TRIM8: variants seen among roughly 807,000 people sequenced by gnomAD.
The protein encoded by TRIM8 is E3 ubiquitin-protein ligase TRIM8.
A neutral mutation model predicts 55.7 loss-of-function variants in TRIM8; 9 were observed. The observed-to-expected ratio is 0.16, with a 90% CI of 0.10 to 0.28. The LOEUF (loss-of-function observed/expected upper bound fraction) is 0.28, where lower values mean the gene tolerates loss of function less well. Ranked by LOEUF, TRIM8 falls within the 10% of genes least tolerant of loss-of-function variation. The pLI is 1.00. For missense variants in TRIM8, 556 were observed against 736.4 expected, an observed-to-expected ratio of 0.76 and a Z score of 2.83; for synonymous variants, 335 against 333.3, an observed-to-expected ratio of 1.01 and a Z score of -0.06.
In TRIM8 at chr10:102,644,564, C is replaced by A. The variant is rs2063917583; in HGVS notation, c.-54C>A. On this transcript the variant is annotated 5_prime_UTR_variant, in exon 1 of 6. Transcript: ENST00000643721. ...GGGCCTACAGCGGCTCCGGACGGAC[C>A]CCCGGGGCTGGGGAGTCGGGGAGGC... 1 of 1,563,062 alleles carries A rather than the reference C, an allele frequency of 6.4e-7. No individual in the cohort carries two copies. Among genetic ancestry groups the A allele is most frequent in the African/African-American group, 1.4e-5 (1 of 73,602 alleles).
chr10:102,651,520 C>T (rs573335853), intron 1 of TRIM8, among the ~76,000 whole-genome samples: 3 of 152,352 alleles, frequency 2.0e-5, no homozygotes, highest in African/African-American at 7.2e-5. Context: ...TCTTTCCTAC[C>T]CCTCCCCTGG....
intron 1 of TRIM8, among the ~76,000 whole-genome samples, chr10:102,652,899 G>A (rs753826797): frequency 6.6e-6 from 1 of 151,888 alleles, no homozygotes; most frequent in Non-Finnish European, 1.5e-5. Context: ...CGTCTCCCGG[G>A]TTCAAGTGAT....
At chr10:102,652,746 T>C (rs1186143793) in intron 1 of TRIM8, among the ~76,000 whole-genome samples, 1 of 151,984 alleles carries the variant, frequency 6.6e-6, no homozygotes, top group Non-Finnish European at 1.5e-5. Context: ...CTGAGACTAG[T>C]GATACGTAGG....
At chr10:102,647,834 ACT>A (rs970154381) in intron 1 of TRIM8, among the ~76,000 whole-genome samples, 2 of 151,958 alleles carry the variant, frequency 1.3e-5, no homozygotes. Flanking sequence ...GAAATAGGAA[ACT>A]CTGATTAACC....
rs1439174816 is a variant in TRIM8, at chr10:102,656,874, G to A, written c.1176G>A (p.Ser392=). Reference sequence around the variant, plus strand: ...CAGAGGCCAGTTTCCTAGAGACGTCGTCGGGCCCTGTGGGCGGCCAGTACG... The same window carrying A: ...CAGAGGCCAGTTTCCTAGAGACGTCATCGGGCCCTGTGGGCGGCCAGTACG... ...AFPEASFLET[S]SGPVGGQYGA... Residue 392 remains serine (S), a synonymous_variant, in exon 6 of 6, where the codon TCG becomes TCA. Coordinates refer to ENST00000643721, the MANE Select transcript of TRIM8 (RefSeq NM_030912.3). This position sits in a 1 kb window ranked among gnomAD's most constrained non-coding sequence, Gnocchi z 4.6. 3 of 1,571,726 alleles carry A rather than the reference G, an allele frequency of 1.9e-6. No homozygotes were observed. The highest frequency in any genetic ancestry group is 2.2e-5 in the East Asian group (1 of 44,498).
chr10:102,656,775 G>T lies in TRIM8; in HGVS notation c.1077G>T (p.Leu359=), dbSNP rs768118741. ...EGPFSTPVPF[L]QSVPLYPCGV... ...CCTTCAGCACGCCGGTGCCCTTCCT[G>T]CAGAGTGTCCCCCTGTACCCTTGCG... Residue 359 remains leucine (L), a synonymous_variant, in exon 6 of 6, where the codon CTG becomes CTT. Coordinates refer to ENST00000643721, the MANE Select transcript of TRIM8 (RefSeq NM_030912.3). The surrounding 1 kb of genome is among the most constrained non-coding windows in gnomAD (Gnocchi z 4.6). 7 of 1,513,006 alleles carry T rather than the reference G, an allele frequency of 4.6e-6. No homozygotes were observed. The highest frequency in any genetic ancestry group is 5.3e-6 in the Non-Finnish European group (6 of 1,131,478). The allele number at this position is 1,513,006 out of a possible 1,614,324, so 93.7% of individuals were successfully genotyped here.
chr10:102,656,777 A>G lies in TRIM8; in HGVS notation c.1079A>G (p.Gln360Arg). 6.6e-7 allele frequency: 1 copy of G among 1,513,310 alleles called. No homozygotes were observed. Among genetic ancestry groups the G allele is most frequent in the Non-Finnish European group, 8.8e-7 (1 of 1,131,552 alleles). The allele number at this position is 1,513,310 out of a possible 1,614,324, so 93.7% of individuals were successfully genotyped here. Residue 360 changes from glutamine (Q) to arginine (R), a missense_variant, in exon 6 of 6, where the codon CAG becomes CGG. This residue lies in a region of TRIM8 where 391 missense variants were observed against 441.0 expected (regional missense o/e 0.89). Transcript: ENST00000643721. The surrounding 1 kb of genome is among the most constrained non-coding windows in gnomAD (Gnocchi z 4.6). ...TTCAGCACGCCGGTGCCCTTCCTGC[A>G]GAGTGTCCCCCTGTACCCTTGCGGC... The part of the protein sequence containing the change: ...GPFSTPVPFL[Q>R]SVPLYPCGVS...
In TRIM8 at chr10:102,656,803, G is replaced by T. The variant is rs906018239; in HGVS notation, c.1105G>T (p.Val369Leu). Residue 369 changes from valine to leucine, a missense_variant, in exon 6 of 6, where the codon GTG becomes TTG. Val to Leu is a conservative substitution (Grantham distance 32). Transcript: ENST00000643721. This position sits in a 1 kb window ranked among gnomAD's most constrained non-coding sequence, Gnocchi z 4.6. ...LQSVPLYPCG[V>L]SSSGAEKRKH... is the part of the protein sequence containing the mutation. ...GAGTGTCCCCCTGTACCCTTGCGGC[G>T]TGAGCAGCTCTGGGGCGGAAAAGCG... 3 of 1,521,624 alleles carry T rather than the reference G, an allele frequency of 2.0e-6. No individual in the cohort carries two copies. The African/African-American group carries it at 4.2e-5, about 21-fold the overall frequency. The allele number at this position is 1,521,624 out of a possible 1,614,324, so 94.3% of individuals were successfully genotyped here.
chr10:102,654,478 T>C (rs1384511733), intron 1 of TRIM8, 175 bp from the exon 2 acceptor site: 1 of 637,678 alleles, frequency 1.6e-6, no homozygotes, highest in African/African-American at 1.8e-5. Flanking sequence ...GAAGCTATTC[T>C]GGGGAGAGCT....
intron 1 of TRIM8, chr10:102,653,370 G>T (rs1590108240): frequency 6.6e-6 from 1 of 152,542 alleles, no homozygotes; most frequent in Non-Finnish European, 1.5e-5. Context: ...GAGTTTCCAT[G>T]TGTGGAGGGC....
At position 102,644,542 on chromosome 10, in the gene TRIM8, C is replaced by T. The variant is rs1321084427; in HGVS notation, c.-76C>T. On this transcript the variant is annotated 5_prime_UTR_variant, in exon 1 of 6. Transcript: ENST00000643721. ...GGGCCGGAGCTCGGGGCTCGGTGGG[C>T]CTACAGCGGCTCCGGACGGACCCCC... is the stretch of plus-strand genomic sequence containing the variant. 6 of 1,438,486 alleles carry T rather than the reference C, an allele frequency of 4.2e-6. No homozygotes were observed. The highest frequency in any genetic ancestry group is 5.7e-6 in the Non-Finnish European group (6 of 1,059,008). 89.1% of individuals were successfully genotyped at this position (1,438,486 alleles called of 1,614,324 possible).
chr10:102,645,091 C>G lies in TRIM8; in HGVS notation c.474C>G (p.Ala158=), dbSNP rs532733007. Residue 158 remains alanine (A), a synonymous_variant, in exon 1 of 6, where the codon GCC becomes GCG. Transcript: ENST00000643721. ...HNAYRLYHCE[A]EQVAVCQYCC... ...CCTACCGCCTCTACCACTGCGAGGC[C>G]GAGCAGGTGGCCGTGTGCCAGTACT... 1.9e-6 allele frequency: 3 copies of G among 1,594,906 alleles called. No individual in the cohort carries two copies. The highest frequency in any genetic ancestry group is 1.1e-5 in the South Asian group (1 of 90,554).
At chr10:102,655,423 T>C in intron 3 of TRIM8, 110 bp downstream of exon 3, 1 of 1,038,106 alleles carries the variant, frequency 9.6e-7, no homozygotes. Flanking sequence ...GGAGCCAGCA[T>C]GCATGGGTTC....
At position 102,645,186 on chromosome 10, in the gene TRIM8, G is replaced by T; in HGVS notation, c.569G>T (p.Arg190Leu). The T allele has an allele frequency of 6.5e-7, 1 of 1,538,888 alleles. No homozygotes were observed. The highest frequency in any genetic ancestry group is 1.2e-5 in the South Asian group (1 of 82,704). Reference sequence around the variant, plus strand: ...GTGGAGATCCGAAGGAATGAAATCCGGGCAAGTACCCTACGCGCGCGCGCG... The same window carrying T: ...GTGGAGATCCGAAGGAATGAAATCCTGGCAAGTACCCTACGCGCGCGCGCG... ...CDVEIRRNEI[R>L]KMLMKQQDRL... Residue 190 changes from arginine to leucine, a missense_variant and splice_region_variant, in exon 1 of 6, where the codon CGG becomes CTG. Transcript: ENST00000643721.
At chr10:102,646,094 C>A (rs1282257541) in intron 1 of TRIM8, among the ~76,000 whole-genome samples, 30 of 152,284 alleles carry the variant, frequency 2.0e-4, no homozygotes, top group Non-Finnish European at 1.5e-5. Flanking sequence ...CCTGCGGCCG[C>A]GGCCAATGTC....
intron 2 of TRIM8, 107 bp downstream of exon 2, chr10:102,654,855 C>A: frequency 1.0e-6 from 1 of 978,540 alleles, no homozygotes; most frequent in South Asian, 1.3e-5. Flanking sequence ...CAGAACCACT[C>A]CATCAGTCAT....
intron 1 of TRIM8, chr10:102,645,424 A>C: frequency 1.5e-5 from 7 of 457,622 alleles, no homozygotes; most frequent in East Asian, 3.9e-5. Context: ...TGAGTGCTTT[A>C]TGGGATTGGG....
rs774486793 is a variant in TRIM8 at position 102,644,862 on chromosome 10, A to T, written c.245A>T (p.His82Leu). Residue 82 changes from histidine (H) to leucine (L), a missense_variant, in exon 1 of 6, where the codon CAC becomes CTC. By Grantham distance (99) the His-to-Leu change is moderately conservative. Coordinates refer to ENST00000643721, the MANE Select transcript of TRIM8 (RefSeq NM_030912.3). Reference protein sequence around the residue: ...TNIVEKFNALHVEKPPAALHC... With the variant: ...TNIVEKFNALLVEKPPAALHC... Reference sequence around the variant, plus strand: ...ATCGTGGAGAAGTTCAATGCCCTGCACGTGGAGAAGCCGCCGGCGGCGCTG... The same window carrying T: ...ATCGTGGAGAAGTTCAATGCCCTGCTCGTGGAGAAGCCGCCGGCGGCGCTG... 2 of 1,612,224 alleles carry T rather than the reference A, an allele frequency of 1.2e-6. No homozygotes were observed. Among genetic ancestry groups the T allele is most frequent in the East Asian group, 2.2e-5 (1 of 44,798 alleles).
chr10:102,657,186 A>G lies in TRIM8; in HGVS notation c.1488A>G (p.Thr496=), dbSNP rs1420630779. The G allele has an allele frequency of 6.2e-7, 1 of 1,613,916 alleles. No individual in the cohort carries two copies. The change falls in exon 6 of 6, where the codon ACA becomes ACG. Residue 496 remains threonine, a synonymous_variant. Transcript: ENST00000643721. ...CCCGCTCCGGCCACTTTCCCTGGAC[A>G]GTGCCCTCGCAGGAGTACTCACACC... The part of the protein sequence containing the change: ...PYPRSGHFPW[T]VPSQEYSHPL...
Sources: gnomAD v4.1 joint callset for allele counts (sites outside exome capture counted in the v4.1 genomes callset) on GRCh38, gnomAD v4.1.1 for gene constraint, gnomAD v4.1.1 regional missense constraint, Gnocchi (gnomAD v3.1) non-coding constraint, MANE v1.5 for transcripts, NCBI Gene and HGNC (gene_info 2026-07-23, HGNC 2026-07-21) for gene names.